The following SEL1L2 variants were observed in gnomAD, a reference collection of about 807,000 sequenced individuals.
SEL1L2 encodes protein sel-1 homolog 2.
In SEL1L2, 89 loss-of-function variants were observed where a neutral mutation model predicts 98.8. The observed-to-expected ratio is 0.90, with a 90% CI of 0.76 to 1.07. SEL1L2 has a LOEUF of 1.07. Among genes scored for constraint, SEL1L2 ranks in the 50% least tolerant of loss-of-function variants. The pLI, the probability that SEL1L2 is intolerant of heterozygous loss-of-function variation, is 0.00. For missense variants in SEL1L2, 788 were observed against 812.0 expected (o/e 0.97, Z 0.36); for synonymous variants, 262 against 278.5 (o/e 0.94, Z 0.59).
intron 2 of SEL1L2, among the ~76,000 whole-genome samples, chr20:13,942,227 A>G (rs2049814117): frequency 6.6e-6 from 1 of 152,180 alleles, no homozygotes; most frequent in African/African-American, 2.4e-5. Flanking sequence ...AAAGGGAGAA[A>G]TGAATTTCTA....
At chr20:13,873,215 C>T (rs2046284119) in intron 12 of SEL1L2, among the ~76,000 whole-genome samples, 1 of 151,964 alleles carries the variant, frequency 6.6e-6, no homozygotes, top group Non-Finnish European at 1.5e-5. Context: ...GTCTCGAACT[C>T]CTGACCTCAA....
At chr20:13,904,798 CT>C (rs1450965406) in intron 5 of SEL1L2, among the ~76,000 whole-genome samples, 4 of 152,156 alleles carry the variant, frequency 2.6e-5, no homozygotes, top group African/African-American at 9.7e-5. Flanking sequence ...AATTTAGAAT[CT>C]AATTTAGTTA....
chr20:13,912,105 AC>A (rs2048227781), intron 5 of SEL1L2, among the ~76,000 whole-genome samples: 1 of 152,128 alleles, frequency 6.6e-6, no homozygotes, highest in African/African-American at 2.4e-5. Context: ...AGGATGCGGT[AC>A]CCAATGTTTC....
chr20:13,987,329 T>TG (rs1323577580), intron 1 of SEL1L2, among the ~76,000 whole-genome samples: 4,236 of 119,736 alleles, frequency 0.035, 56 homozygotes, highest in Non-Finnish European at 0.045. Context: ...TTTTTTTTTT[T>TG]TTGTTGTTGT....
At chr20:13,965,050 T>C (rs2050976391) in intron 1 of SEL1L2, among the ~76,000 whole-genome samples, 1 of 152,168 alleles carries the variant, frequency 6.6e-6, no homozygotes, top group Non-Finnish European at 1.5e-5. Flanking sequence ...CTCTTCTCTC[T>C]GGCATGATGT....
intron 10 of SEL1L2, among the ~76,000 whole-genome samples, chr20:13,879,941 TCTC>T (rs1355510788): frequency 6.6e-6 from 1 of 152,172 alleles, no homozygotes; most frequent in East Asian, 1.9e-4. Context: ...TTATTCAGAT[TCTC>T]CTCCTCTGTG....
intron 14 of SEL1L2, 43 bp from the exon 15 acceptor site, chr20:13,866,893 T>C: frequency 6.5e-7 from 1 of 1,540,674 alleles, no homozygotes. Flanking sequence ...ATTGACTTTA[T>C]TTTTTATATT....
chr20:13,903,092 T>C (rs1412631426), intron 5 of SEL1L2, among the ~76,000 whole-genome samples: 1 of 132,590 alleles, frequency 7.5e-6, no homozygotes, highest in African/African-American at 2.9e-5. Flanking sequence ...CACTCCAGCC[T>C]GAGCAGCAGA....
intron 2 of SEL1L2, among the ~76,000 whole-genome samples, chr20:13,949,702 C>G (rs910517927): frequency 8.0e-6 from 1 of 124,496 alleles, no homozygotes; most frequent in East Asian, 2.4e-4. Flanking sequence ...AAAAACCAAA[C>G]AAACAAAAAA....
intron 1 of SEL1L2, among the ~76,000 whole-genome samples, chr20:13,966,879 C>CTT (rs35292120): frequency 0.17 from 17,340 of 104,176 alleles, 2,606 homozygotes; most frequent in Admixed American, 0.27. Context: ...AGAGACCTGT[C>CTT]TTTTTTTTTT....
chr20:13,942,983 C>T (rs967931065), intron 2 of SEL1L2, among the ~76,000 whole-genome samples: 14 of 152,258 alleles, frequency 9.2e-5, no homozygotes, highest in African/African-American at 3.1e-4. Context: ...TTTCCTAACA[C>T]ATCTAAGATT....
At chr20:13,917,436 G>T (rs945405945) in intron 4 of SEL1L2, among the ~76,000 whole-genome samples, 1 of 152,112 alleles carries the variant, frequency 6.6e-6, no homozygotes, top group South Asian at 2.1e-4. Context: ...TTTCCTTCTT[G>T]TAATTTGGAG....
chr20:13,889,792 AAAAAAAC>A (rs1332805439), intron 5 of SEL1L2, among the ~76,000 whole-genome samples: 6 of 152,202 alleles, frequency 3.9e-5, no homozygotes, highest in African/African-American at 1.4e-4. Flanking sequence ...CTCCGTCTCA[AAAAAAAC>A]AAAAAACAAA....
At position 13,913,960 on chromosome 20, in the gene SEL1L2, AAAG is replaced by A; in HGVS notation, c.387-19_387-17del. ...TAGGTAGGCTCTGTTTCAAGAATAT[AAAG>A]TCAAGTTTGATTTTCAAAAATGAAA... On this transcript the variant is annotated splice_polypyrimidine_tract_variant and intron_variant, in intron 4 of 19. Coordinates refer to ENST00000284951, the MANE Select transcript of SEL1L2 (RefSeq NM_025229.2). 6.5e-7 allele frequency: 1 copy of A among 1,545,792 alleles called. No individual in the cohort carries two copies. Among genetic ancestry groups the A allele is most frequent in the African/African-American group, 1.4e-5 (1 of 70,152 alleles).
intron 13 of SEL1L2, 104 bp downstream of exon 13, chr20:13,870,037 G>C: frequency 5.0e-6 from 4 of 795,626 alleles, no homozygotes; most frequent in South Asian, 1.8e-5. Flanking sequence ...TCACAGTTTG[G>C]CAAACCAGAT....
intron 2 of SEL1L2, among the ~76,000 whole-genome samples, chr20:13,944,121 T>C (rs1271828073): frequency 6.6e-6 from 1 of 152,038 alleles, no homozygotes; most frequent in Non-Finnish European, 1.5e-5. Context: ...TCTATTACTA[T>C]CAGTACAAAG....
At chr20:13,915,750 G>A (rs1027535464) in intron 4 of SEL1L2, among the ~76,000 whole-genome samples, 1 of 152,180 alleles carries the variant, frequency 6.6e-6, no homozygotes, top group African/African-American at 2.4e-5. Context: ...AGTATCCAGG[G>A]CTGGAGAAAG....
At chr20:13,976,837 G>A (rs1322978483) in intron 1 of SEL1L2, among the ~76,000 whole-genome samples, 1 of 152,204 alleles carries the variant, frequency 6.6e-6, no homozygotes, top group African/African-American at 2.4e-5. Context: ...GAATTGACAA[G>A]ATTTGGTAAA....
At chr20:13,877,896 C>G (rs760763298) in intron 10 of SEL1L2, among the ~76,000 whole-genome samples, 5 of 152,152 alleles carry the variant, frequency 3.3e-5, no homozygotes, top group Non-Finnish European at 7.4e-5. Flanking sequence ...TGAGATGAAT[C>G]CCAGCTGTGA....
Sources: gnomAD v4.1 joint callset for allele counts (sites outside exome capture counted in the v4.1 genomes callset) on GRCh38, gnomAD v4.1.1 for gene constraint, MANE v1.5 for transcripts, NCBI Gene and HGNC (gene_info 2026-07-23, HGNC 2026-07-21) for gene names.